The following USP50 variants were observed in gnomAD, a reference collection of about 807,000 sequenced individuals.
USP50 encodes the protein ubiquitin carboxyl-terminal hydrolase 50.
USP50 carries 37 observed loss-of-function variants against 39.2 expected under a neutral mutation model. The ratio of observed to expected loss-of-function variants is 0.94; its 90% confidence interval spans 0.73 to 1.24. USP50 has a LOEUF of 1.24. USP50 is among the 50% of genes most tolerant of loss of function. USP50 has a pLI of 0.00. For synonymous variants in USP50, 139 were observed against 144.5 expected (o/e 0.96, Z 0.27); for missense variants, 374 against 398.2 (o/e 0.94, Z 0.52).
chr15:50,503,453 C>G (rs1362194239), intron 6 of USP50: 1 of 152,212 alleles, frequency 6.6e-6, no homozygotes, highest in African/African-American at 2.4e-5. Flanking sequence ...CAAGGACACT[C>G]GAGGTAAAGT....
At chr15:50,497,320 C>T, downstream of USP50, 4 of 1,458,598 alleles carry the variant, frequency 2.7e-6, no homozygotes, top group Non-Finnish European at 3.6e-6. Context: ...TACTGCCTGC[C>T]ATGGGCACAT....
At position 50,538,369 on chromosome 15, in the gene USP50, C is replaced by T. The variant is rs138344445; in HGVS notation, c.803+340G>A. Among the ~76,000 whole-genome samples the T allele has an allele frequency of 2.2e-3, 340 of 151,328 alleles. 2 individuals carry two copies. The highest frequency in any genetic ancestry group is 3.3e-3 in the Non-Finnish European group (221 of 67,846). On this transcript the variant is annotated intron_variant, in intron 5 of 6. Transcript: ENST00000532404. Reference sequence around the variant, plus strand: ...AAATACGCCAAAGACTTTAACAGACCTTCATTGAAGTATCTTACCAGGGAC... The same window carrying T: ...AAATACGCCAAAGACTTTAACAGACTTTCATTGAAGTATCTTACCAGGGAC...
intron 6 of USP50, among the ~76,000 whole-genome samples, chr15:50,526,499 A>G (rs2052899564): frequency 6.6e-6 from 1 of 152,212 alleles, no homozygotes; most frequent in East Asian, 1.9e-4. Flanking sequence ...GGAGTTAGAT[A>G]TTGTTAGCAT....
intron 6 of USP50, chr15:50,501,771 C>T (rs1398086091): frequency 2.6e-5 from 4 of 152,124 alleles, no homozygotes; most frequent in Admixed American, 1.3e-4. Flanking sequence ...CAAACCACGG[C>T]CCGTGGGTCA....
chr15:50,499,606 GT>G (rs34639682), downstream of USP50: 71,243 of 151,644 alleles, frequency 0.47, 17,044 homozygotes, highest in East Asian at 0.58. Context: ...CCTATTTTGA[GT>G]TAACTTCAGT....
chr15:50,534,073 T>C (rs1457448273), intron 5 of USP50, among the ~76,000 whole-genome samples: 1 of 152,118 alleles, frequency 6.6e-6, no homozygotes, highest in African/African-American at 2.4e-5. Flanking sequence ...TGGATCTACA[T>C]AAAAAGCACT....
At chr15:50,536,258 A>C (rs1266346597) in intron 5 of USP50, among the ~76,000 whole-genome samples, 1 of 152,246 alleles carries the variant, frequency 6.6e-6, no homozygotes. Flanking sequence ...ACCTCTTGGA[A>C]ATAATAAACA....
Position 50,500,624 on chromosome 15 carries a change from C to T in USP50, c.*145G>A. On this transcript the variant is annotated 3_prime_UTR_variant, in exon 7 of 7. Coordinates refer to ENST00000532404, the MANE Select transcript of USP50 (RefSeq NM_203494.5). ...CACCAGATGCTGACTGCTTGTTTTG[C>T]AGTGTTCAGGAAACACCATTTTCCT... 1.5e-6 allele frequency: 1 copy of T among 669,006 alleles called. No individual in the cohort carries two copies. The highest frequency in any genetic ancestry group is 2.8e-5 in the East Asian group (1 of 35,110). The allele number at this position is 669,006 out of a possible 1,614,324, so 41.4% of individuals were successfully genotyped here. A position where few individuals can be genotyped will look rare whatever the true frequency, so the allele number is the denominator to read the frequency against.
intron 1 of USP50, among the ~76,000 whole-genome samples, chr15:50,495,498 C>A (rs1297276267): frequency 6.7e-6 from 1 of 149,612 alleles, no homozygotes; most frequent in Non-Finnish European, 1.5e-5. Context: ...GGGGGGGTCT[C>A]ACTATGTTGC....
chr15:50,499,102 A>ATAAAC (rs1566896072), downstream of USP50: 1 of 1,572,368 alleles, frequency 6.4e-7, no homozygotes, highest in East Asian at 2.3e-5. Flanking sequence ...GACATAGGTT[A>ATAAAC]TAAACTAGTT....
downstream of USP50, chr15:50,498,336 G>C (rs1566894969): frequency 9.4e-6 from 3 of 319,586 alleles, no homozygotes; most frequent in Non-Finnish European, 1.7e-5. Context: ...GTTGTAGCTG[G>C]ACCAGAGTAT....
downstream of USP50, chr15:50,496,000 C>T (rs1360684905): frequency 3.1e-6 from 5 of 1,613,812 alleles, no homozygotes; most frequent in Non-Finnish European, 4.2e-6. Flanking sequence ...TACAGTGCCT[C>T]ACATGTCACA....
chr15:50,497,207 C>T (rs920130596), downstream of USP50: 2 of 1,609,918 alleles, frequency 1.2e-6, no homozygotes, highest in Non-Finnish European at 1.7e-6. Context: ...AAGTTACCAC[C>T]TGTGCTTTTA....
intron 5 of USP50, chr15:50,532,138 G>C (rs1482352916): frequency 4.4e-6 from 2 of 456,142 alleles, no homozygotes; most frequent in East Asian, 1.4e-4. Flanking sequence ...AAAGAATCCA[G>C]TCACAGGGGG....
At position 50,529,945 on chromosome 15, in the gene USP50, A is replaced by G. The variant is rs1407248367; in HGVS notation, c.804-16T>C. The G allele has an allele frequency of 6.2e-7, 1 of 1,612,018 alleles. No homozygotes were observed. The highest frequency in any genetic ancestry group is 1.3e-5 in the African/African-American group (1 of 74,824). ...AATGTCAAACCTGCAGGTATAATAA[A>G]TGTGTGAAATACAAAGTAAGCTTGT... On this transcript the variant is annotated splice_polypyrimidine_tract_variant and intron_variant, in intron 5 of 6. Transcript: ENST00000532404.
chr15:50,525,707 GTATATA>G (rs1491023005), intron 6 of USP50, among the ~76,000 whole-genome samples: 1 of 129,926 alleles, frequency 7.7e-6, no homozygotes, highest in African/African-American at 3.1e-5. Context: ...GTATATATAT[GTATATA>G]TGTATATGTA....
intron 6 of USP50, among the ~76,000 whole-genome samples, chr15:50,518,217 T>G (rs1454316336): frequency 7.3e-6 from 1 of 137,482 alleles, no homozygotes; most frequent in Non-Finnish European, 1.6e-5. Context: ...TTCTTTCTTT[T>G]TCTTTTTTTG....
intron 6 of USP50, chr15:50,501,942 C>T (rs540849041): frequency 4.9e-4 from 74 of 152,246 alleles, no homozygotes; most frequent in African/African-American, 1.7e-3. Flanking sequence ...CAGTCATGCT[C>T]ATTTGTTTAC....
At chr15:50,496,722 A>T (rs1438809071), downstream of USP50, among the ~76,000 whole-genome samples, 1 of 152,198 alleles carries the variant, frequency 6.6e-6, no homozygotes, top group Non-Finnish European at 1.5e-5. Flanking sequence ...ACATGGGGAT[A>T]TCAAATAAAT....
Sources: allele counts gnomAD v4.1 joint callset (sites outside exome capture counted in the v4.1 genomes callset), GRCh38; gene constraint gnomAD v4.1.1; transcripts MANE v1.5; gene names NCBI Gene and HGNC (gene_info 2026-07-23, HGNC 2026-07-21).